ARID3B: variants seen among roughly 807,000 people sequenced by gnomAD.
The protein encoded by ARID3B is AT-rich interactive domain-containing protein 3B.
ARID3B carries 10 observed loss-of-function variants against 51.9 expected under a neutral mutation model. That is an observed-to-expected ratio of 0.19 (90% CI 0.12 to 0.33). The LOEUF (loss-of-function observed/expected upper bound fraction) is 0.33. Among genes scored for constraint, ARID3B ranks in the 10% least tolerant of loss-of-function variants. The pLI, the probability that ARID3B is intolerant of heterozygous loss-of-function variation, is 1.00. For missense variants in ARID3B, 483 were observed against 716.3 expected (o/e 0.67, Z 3.72); for synonymous variants, 205 against 279.5 (o/e 0.73, Z 2.66).
intron 2 of ARID3B, among the ~76,000 whole-genome samples, chr15:74,553,497 A>G (rs929891190): frequency 5.9e-5 from 9 of 152,236 alleles, no homozygotes; most frequent in African/African-American, 2.2e-4. Context: ...TAAACATTTT[A>G]TAATTTCAGT....
chr15:74,597,862 G>C lies in ARID3B; in HGVS notation c.*2088G>C. On this transcript the variant is annotated 3_prime_UTR_variant, in exon 9 of 9. Transcript: ENST00000346246. ...CAGGGTGTCACCCAGAGCCCGATGA[G>C]GGGTGCCAGCAGGTGCCCCCACGAG... 1 of 527,508 alleles carries C rather than the reference G, an allele frequency of 1.9e-6. No homozygotes were observed. Among genetic ancestry groups the C allele is most frequent in the South Asian group, 1.5e-5 (1 of 64,810 alleles). 32.7% of individuals were successfully genotyped at this position (527,508 alleles called of 1,614,324 possible). A position where few individuals can be genotyped will look rare whatever the true frequency, so the allele number is the denominator to read the frequency against.
chr15:74,544,773 C>T (rs1182769330), intron 2 of ARID3B, among the ~76,000 whole-genome samples: 1 of 151,332 alleles, frequency 6.6e-6, no homozygotes, highest in Non-Finnish European at 1.5e-5. Context: ...TCACTGCAAC[C>T]TCCATCTCCC....
chr15:74,549,899 G>C (rs1026384603), intron 2 of ARID3B, among the ~76,000 whole-genome samples: 2 of 152,166 alleles, frequency 1.3e-5, no homozygotes, highest in African/African-American at 4.8e-5. Context: ...ATCCTATAAC[G>C]CACTGGACAG....
At chr15:74,561,880 T>TTG (rs1341120410) in intron 2 of ARID3B, among the ~76,000 whole-genome samples, 1 of 152,154 alleles carries the variant, frequency 6.6e-6, no homozygotes, top group Non-Finnish European at 1.5e-5. Flanking sequence ...TCCTCTTCCA[T>TTG]TGTAGTATTC....
At chr15:74,555,122 T>A (rs2141451048) in intron 2 of ARID3B, among the ~76,000 whole-genome samples, 1 of 152,306 alleles carries the variant, frequency 6.6e-6, no homozygotes, top group East Asian at 1.9e-4. Flanking sequence ...TAATTATTAT[T>A]TGTCAATTAA....
intron 8 of ARID3B, 49 bp from the exon 9 acceptor site, chr15:74,595,562 C>G (rs1489942309): frequency 3.2e-6 from 5 of 1,586,118 alleles, no homozygotes; most frequent in Admixed American, 1.7e-5. Context: ...AGCTGGCCCT[C>G]CCCTTCGCTC....
chr15:74,573,358 CG>C, intron 4 of ARID3B, 154 bp downstream of exon 4: 1 of 773,208 alleles, frequency 1.3e-6, no homozygotes, highest in Non-Finnish European at 2.2e-6. Flanking sequence ...GCCAATTAAC[CG>C]ATAGCCAGAT....
chr15:74,594,303 C>G (rs1164337993), intron 8 of ARID3B, among the ~76,000 whole-genome samples: 1 of 152,122 alleles, frequency 6.6e-6, no homozygotes, highest in African/African-American at 2.4e-5. Flanking sequence ...AAAAAGTTAG[C>G]CAGGCGTGGG....
At chr15:74,556,945 T>C (rs1401844866) in intron 2 of ARID3B, among the ~76,000 whole-genome samples, 1 of 151,944 alleles carries the variant, frequency 6.6e-6, no homozygotes, top group Non-Finnish European at 1.5e-5. Flanking sequence ...CAGCTAATTT[T>C]TGTATTTTTT....
chr15:74,564,498 A>G (rs1166061485), intron 2 of ARID3B, among the ~76,000 whole-genome samples: 1 of 152,228 alleles, frequency 6.6e-6, no homozygotes, highest in South Asian at 2.1e-4. Context: ...AAAAACAACA[A>G]CAGCCACAGT....
intron 1 of ARID3B, among the ~76,000 whole-genome samples, chr15:74,542,148 G>T (rs1007422472): frequency 1.3e-5 from 2 of 152,204 alleles, no homozygotes; most frequent in Non-Finnish European, 2.9e-5. Context: ...AAGTTATTCC[G>T]ATCGTGATTG....
intron 4 of ARID3B, among the ~76,000 whole-genome samples, chr15:74,579,230 C>G (rs1304923177): frequency 1.3e-5 from 2 of 152,240 alleles, no homozygotes; most frequent in African/African-American, 2.4e-5. Context: ...CCTTTCAGCC[C>G]TCAGCACCTT....
At chr15:74,547,910 C>G (rs1567115240) in intron 2 of ARID3B, among the ~76,000 whole-genome samples, 1 of 152,278 alleles carries the variant, frequency 6.6e-6, no homozygotes, top group East Asian at 1.9e-4. Context: ...CTTAAGGGTT[C>G]CAGAGATTAT....
intron 2 of ARID3B, among the ~76,000 whole-genome samples, chr15:74,553,910 G>A (rs1044888636): frequency 6.6e-6 from 1 of 151,856 alleles, no homozygotes; most frequent in African/African-American, 2.4e-5. Context: ...TGCAACCTCC[G>A]CCTCCCGGGT....
chr15:74,543,010 G>A (rs2061600202), intron 1 of ARID3B, among the ~76,000 whole-genome samples: 1 of 152,196 alleles, frequency 6.6e-6, no homozygotes, highest in South Asian at 2.1e-4. Flanking sequence ...AAAGAAAGGG[G>A]ATGTGAAGAG....
rs149408175 is a variant in ARID3B at position 74,568,731 on chromosome 15, G to A, written c.553-4131G>A. ...TCAGTTTCCTGTGAGCTCCTGGAGA[G>A]ATCAAAGATGTTAAAAGACAGTTCT... On this transcript the variant is annotated intron_variant, in intron 2 of 8. Coordinates refer to ENST00000346246, the MANE Select transcript of ARID3B (RefSeq NM_006465.4). Among the ~76,000 whole-genome samples the A allele has an allele frequency of 2.5e-4, 38 of 152,218 alleles. 1 individual carries two copies. The East Asian group carries it at 7.0e-3, about 28-fold the overall frequency.
chr15:74,594,858 C>T (rs1422092525), intron 8 of ARID3B, among the ~76,000 whole-genome samples: 2 of 152,240 alleles, frequency 1.3e-5, no homozygotes, highest in African/African-American at 4.8e-5. Context: ...TGCCCTTTGC[C>T]TCTTCATTGT....
chr15:74,549,644 G>A (rs943052834), intron 2 of ARID3B, among the ~76,000 whole-genome samples: 1 of 151,956 alleles, frequency 6.6e-6, no homozygotes, highest in African/African-American at 2.4e-5. Flanking sequence ...ACTGTGCAAA[G>A]TATTGCCCAA....
intron 8 of ARID3B, 30 bp downstream of exon 8, chr15:74,593,266 A>T: frequency 6.3e-7 from 1 of 1,593,918 alleles, no homozygotes; most frequent in African/African-American, 1.3e-5. Flanking sequence ...GGGGAGGCCC[A>T]CGTGGCCGCA....
Sources: allele counts gnomAD v4.1 joint callset (sites outside exome capture counted in the v4.1 genomes callset), GRCh38; gene constraint gnomAD v4.1.1; transcripts MANE v1.5; gene names NCBI Gene and HGNC (gene_info 2026-07-23, HGNC 2026-07-21).